MAPT: variants seen among roughly 807,000 people sequenced by gnomAD.
The protein encoded by MAPT is microtubule associated protein tau, also known as microtubule-associated protein tau.
MAPT carries 34 observed loss-of-function variants against 67.9 expected under a neutral mutation model. The ratio of observed to expected loss-of-function variants is 0.50; its 90% confidence interval spans 0.38 to 0.67. The LOEUF (loss-of-function observed/expected upper bound fraction) is 0.67, where lower values mean the gene tolerates loss of function less well. Among genes scored for constraint, MAPT ranks in the 30% least tolerant of loss-of-function variants. MAPT has a pLI of 0.00. For synonymous variants in MAPT, 456 were observed against 464.5 expected, an observed-to-expected ratio of 0.98 and a Z score of 0.23; for missense variants, 881 against 1,115.2, an observed-to-expected ratio of 0.79 and a Z score of 2.99.
chr17:45,955,985 C>T (rs1047573697), intron 1 of MAPT, among the ~76,000 whole-genome samples: 2 of 152,204 alleles, frequency 1.3e-5, no homozygotes, highest in East Asian at 3.9e-4. Context: ...ATCTGCCTGC[C>T]TTGGCCTCCC....
At chr17:45,920,833 G>T (rs2065640747) in intron 1 of MAPT, among the ~76,000 whole-genome samples, 1 of 152,130 alleles carries the variant, frequency 6.6e-6, no homozygotes, top group African/African-American at 2.4e-5. Context: ...GCAGCATGAG[G>T]GGTTCCATTA....
Position 45,982,977 on chromosome 17 carries a change from G to T in MAPT, c.398G>T (p.Gly133Val). 1 of 1,435,082 alleles carries T rather than the reference G, an allele frequency of 7.0e-7. No homozygotes were observed. The highest frequency in any genetic ancestry group is 1.5e-5 in the South Asian group (1 of 66,498). 88.9% of individuals were successfully genotyped at this position (1,435,082 alleles called of 1,614,324 possible). The change falls in exon 5 of 13, where the codon GGG becomes GTG. Residue 133 changes from glycine (G) to valine (V), a missense_variant. By Grantham distance (109) the Gly-to-Val change is moderately radical. Coordinates refer to ENST00000262410, the MANE Select transcript of MAPT (RefSeq NM_001377265.1). ...GPCGEASGVS[G>V]PCLGEKEPEA... ...TGCGGAGAGGCCTCTGGGGTCTCTGGGCCGTGCCTCGGGGAGAAAGAGCCA... is the reference window on the plus strand; with the variant it reads ...TGCGGAGAGGCCTCTGGGGTCTCTGTGCCGTGCCTCGGGGAGAAAGAGCCA...
At chr17:45,956,138 G>C (rs879382042) in intron 1 of MAPT, among the ~76,000 whole-genome samples, 2 of 152,216 alleles carry the variant, frequency 1.3e-5, no homozygotes, top group Admixed American at 1.3e-4. Context: ...ACCAGGCCCA[G>C]GTCAAGCCTG....
At chr17:45,934,237 G>A (rs1224513782) in intron 1 of MAPT, among the ~76,000 whole-genome samples, 1 of 152,136 alleles carries the variant, frequency 6.6e-6, no homozygotes, top group African/African-American at 2.4e-5. Context: ...CTACTTGGGA[G>A]GCTGAGATGG....
At position 45,995,717 on chromosome 17, in the gene MAPT, C is replaced by A. The variant is rs1471179321; in HGVS notation, c.1733-682C>A. The stretch of plus-strand genomic sequence containing the variant: ...TACGTCAGGGCACAGCAGCATGAAG[C>A]GGTATGGCTCGTGTGGACAGCTAGG... On this transcript the variant is annotated intron_variant, in intron 8 of 12. Coordinates refer to ENST00000262410, the MANE Select transcript of MAPT (RefSeq NM_001377265.1). This position sits in a 1 kb window ranked among gnomAD's most constrained non-coding sequence, Gnocchi z 4.3. Among the ~76,000 whole-genome samples, 1 of 152,136 alleles carries A rather than the reference C, an allele frequency of 6.6e-6. No homozygotes were observed. The highest frequency in any genetic ancestry group is 1.5e-5 in the Non-Finnish European group (1 of 68,024).
At chr17:45,921,987 C>G (rs1159519526) in intron 1 of MAPT, among the ~76,000 whole-genome samples, 1 of 151,952 alleles carries the variant, frequency 6.6e-6, no homozygotes, top group African/African-American at 2.4e-5. Flanking sequence ...CTTTCTGGCT[C>G]CATAGAATGG....
chr17:45,903,981 TA>T (rs1459460777), intron 1 of MAPT, among the ~76,000 whole-genome samples: 21 of 28,090 alleles, frequency 7.5e-4, no homozygotes, highest in African/African-American at 2.6e-3. Flanking sequence ...TATTATATAT[TA>T]TATATTTATA....
intron 10 of MAPT, among the ~76,000 whole-genome samples, chr17:46,012,303 G>A (rs929062034): frequency 6.6e-6 from 1 of 152,100 alleles, no homozygotes; most frequent in East Asian, 1.9e-4. Context: ...CCTGGGGCCC[G>A]CCCGTGTGTC....
At chr17:45,994,657 T>C (rs2074332277) in intron 8 of MAPT, among the ~76,000 whole-genome samples, 1 of 151,914 alleles carries the variant, frequency 6.6e-6, no homozygotes, top group Non-Finnish European at 1.5e-5. Context: ...ACCCCGTCTC[T>C]ATAAAAAACA....
intron 11 of MAPT, among the ~76,000 whole-genome samples, chr17:46,014,654 C>CATG (rs1296658366): frequency 2.6e-5 from 4 of 152,024 alleles, no homozygotes; most frequent in Non-Finnish European, 5.9e-5. Context: ...GTGGGTGGAT[C>CATG]ATGAGGTCAG....
At chr17:46,021,459 C>G (rs2076525925) in intron 12 of MAPT, among the ~76,000 whole-genome samples, 1 of 152,198 alleles carries the variant, frequency 6.6e-6, no homozygotes, top group East Asian at 1.9e-4. Context: ...CTGGCCCCAT[C>G]CCCACAGTCT....
At chr17:45,941,122 T>A (rs62061734) in intron 1 of MAPT, among the ~76,000 whole-genome samples, 190 of 152,220 alleles carry the variant, frequency 1.2e-3, no homozygotes, top group African/African-American at 4.3e-3. Context: ...CCAAACCAGC[T>A]TCTGCAGGCC....
chr17:45,913,847 G>T (rs2064970783), intron 1 of MAPT, among the ~76,000 whole-genome samples: 1 of 152,150 alleles, frequency 6.6e-6, no homozygotes, highest in Admixed American at 6.5e-5. Flanking sequence ...TGGCCGGGGG[G>T]TTCTCTCACT....
intron 9 of MAPT, among the ~76,000 whole-genome samples, chr17:46,002,572 T>C (rs925066890): frequency 1.3e-5 from 2 of 152,012 alleles, no homozygotes; most frequent in Non-Finnish European, 2.9e-5. Flanking sequence ...TCTCGGAGGA[T>C]GTCCAGGCCA....
chr17:45,911,720 C>T (rs1414316844), intron 1 of MAPT, among the ~76,000 whole-genome samples: 1 of 152,098 alleles, frequency 6.6e-6, no homozygotes, highest in Non-Finnish European at 1.5e-5. Context: ...GCCATGATGG[C>T]ACCACTGCAC....
rs377594348 is a variant in MAPT at position 45,982,063 on chromosome 17, G to T, written c.287-803G>T. On this transcript the variant is annotated intron_variant, in intron 4 of 12. Coordinates refer to ENST00000262410, the MANE Select transcript of MAPT (RefSeq NM_001377265.1). ...GAAAGAAAGGAAAAAAAAAACTCAT[G>T]CCTGTAATCCCAGCACTTTGGGGAC... is the stretch of plus-strand genomic sequence containing the variant. Among the ~76,000 whole-genome samples, 235 of 150,646 alleles carry T rather than the reference G, an allele frequency of 1.6e-3. 1 individual carries two copies. The highest frequency in any genetic ancestry group is 5.6e-3 in the African/African-American group (231 of 41,034).
rs560651663 is a variant in MAPT, at chr17:46,011,969, G to A, written c.2091+1567G>A. On this transcript the variant is annotated intron_variant, in intron 10 of 12. Coordinates refer to ENST00000262410, the MANE Select transcript of MAPT (RefSeq NM_001377265.1). ...GCTAAGTGTCTCCTCTGTCTCCCAC[G>A]CCCTGCTCTCCTGTCCCCCCAGTTT... Among the ~76,000 whole-genome samples, 66 of 152,224 alleles carry A rather than the reference G, an allele frequency of 4.3e-4. 1 individual carries two copies. In the South Asian group the frequency reaches 0.013, roughly 31 times the overall value.
intron 3 of MAPT, chr17:45,977,330 G>A (rs754593): frequency 0.53 from 80,461 of 152,126 alleles, 22,639 homozygotes; most frequent in East Asian, 0.79. Flanking sequence ...TAGGTGCAGA[G>A]AGTGACTGAC....
intron 11 of MAPT, 104 bp downstream of exon 11, chr17:46,014,428 AT>A: frequency 1.2e-6 from 1 of 829,174 alleles, no homozygotes; most frequent in Non-Finnish European, 2.1e-6. Context: ...TGGAAAGGAT[AT>A]TTTAGGTAGA....
Sources: gnomAD v4.1 joint callset for allele counts (sites outside exome capture counted in the v4.1 genomes callset) on GRCh38, gnomAD v4.1.1 for gene constraint, Gnocchi (gnomAD v3.1) non-coding constraint, MANE v1.5 for transcripts, NCBI Gene and HGNC (gene_info 2026-07-23, HGNC 2026-07-21) for gene names.